The following BTBD9 variants were observed in gnomAD, a reference collection of about 807,000 sequenced individuals.
BTBD9 encodes BTB/POZ domain-containing protein 9.
Under a neutral mutation model 64.3 loss-of-function variants are expected in BTBD9, and 49 were observed. The ratio of observed to expected loss-of-function variants is 0.76; its 90% confidence interval spans 0.61 to 0.97. The LOEUF is 0.97. Ranked by LOEUF, BTBD9 falls within the 50% of genes least tolerant of loss-of-function variation. The pLI is 0.00. For missense variants in BTBD9, 598 were observed against 762.1 expected (o/e 0.78, Z 2.53); for synonymous variants, 260 against 274.7 (o/e 0.95, Z 0.53).
At position 38,484,262 on chromosome 6, in the gene BTBD9, T is replaced by C. The variant is rs147852963; in HGVS notation, c.1154+93338A>G. On this transcript the variant is annotated intron_variant, in intron 6 of 10. Coordinates refer to ENST00000481247, the MANE Select transcript of BTBD9 (RefSeq NM_001099272.2). ...TTACTAAGGAAGTGTTATATTTTTATTCTTCAGGGGTAATCATTAGTTGTT... is the reference window on the plus strand; with the variant it reads ...TTACTAAGGAAGTGTTATATTTTTACTCTTCAGGGGTAATCATTAGTTGTT... 7.4e-4 allele frequency among the ~76,000 whole-genome samples: 113 copies of C among 152,354 alleles called. No homozygotes were observed. The East Asian group carries it at 0.019, about 25-fold the overall frequency.
At chr6:38,414,200 T>C (rs1767563933) in intron 6 of BTBD9, among the ~76,000 whole-genome samples, 4 of 152,226 alleles carry the variant, frequency 2.6e-5, no homozygotes, top group African/African-American at 7.2e-5. Context: ...ATTCAGTACC[T>C]TGTGCTTGTG....
intron 6 of BTBD9, among the ~76,000 whole-genome samples, chr6:38,557,300 G>A (rs933961412): frequency 7.2e-5 from 11 of 152,078 alleles, no homozygotes; most frequent in South Asian, 2.1e-4. Context: ...AGCCAAGATC[G>A]TGCCATTGCA....
intron 6 of BTBD9, among the ~76,000 whole-genome samples, chr6:38,483,799 C>G (rs1771272948): frequency 6.6e-6 from 1 of 152,208 alleles, no homozygotes; most frequent in Admixed American, 6.5e-5. Flanking sequence ...AAGCCAACTT[C>G]TTGTAATTCA....
At chr6:38,253,746 G>A (rs942047720) in intron 9 of BTBD9, among the ~76,000 whole-genome samples, 1 of 152,058 alleles carries the variant, frequency 6.6e-6, no homozygotes, top group African/African-American at 2.4e-5. Flanking sequence ...GGAGGCCCTC[G>A]TATTGTATAA....
intron 7 of BTBD9, among the ~76,000 whole-genome samples, chr6:38,298,086 A>C (rs1762229117): frequency 6.6e-6 from 1 of 151,712 alleles, no homozygotes; most frequent in South Asian, 2.1e-4. Context: ...CGACCTCCTG[A>C]CATCGTGATC....
intron 9 of BTBD9, among the ~76,000 whole-genome samples, chr6:38,214,211 G>A (rs111695955): frequency 1.6e-4 from 25 of 152,162 alleles, no homozygotes; most frequent in African/African-American, 5.5e-4. Flanking sequence ...TCACTCTCTG[G>A]CCCCTCCCTC....
At chr6:38,340,804 A>G (rs996183323) in intron 7 of BTBD9, among the ~76,000 whole-genome samples, 1 of 152,208 alleles carries the variant, frequency 6.6e-6, no homozygotes, top group Non-Finnish European at 1.5e-5. Flanking sequence ...CCAGGAAATA[A>G]TCATCAATGG....
chr6:38,469,825 T>TCTCACA (rs933374814), intron 6 of BTBD9, among the ~76,000 whole-genome samples: 1 of 152,162 alleles, frequency 6.6e-6, no homozygotes. Context: ...TTCAATAAAC[T>TCTCACA]CTCACACTCA....
chr6:38,596,083 A>G lies in BTBD9; in HGVS notation c.186-1756T>C, dbSNP rs1777020256. On this transcript the variant is annotated intron_variant, in intron 2 of 10. Transcript: ENST00000481247. ...TTCCTTATCTGGGAATTGATAGGCTATTATGACAGCACTTAGGCCTCTTCT... is the reference window on the plus strand; with the variant it reads ...TTCCTTATCTGGGAATTGATAGGCTGTTATGACAGCACTTAGGCCTCTTCT... The G allele has an allele frequency of 1.9e-5, 19 of 984,224 alleles. 1 individual carries two copies. Among genetic ancestry groups the G allele is most frequent in the Non-Finnish European group, 2.3e-5 (19 of 828,784 alleles). The allele number at this position is 984,224 out of a possible 1,614,324, so 61.0% of individuals were successfully genotyped here.
At chr6:38,272,448 A>G (rs1342454648) in intron 8 of BTBD9, among the ~76,000 whole-genome samples, 2 of 152,314 alleles carry the variant, frequency 1.3e-5, no homozygotes, top group Non-Finnish European at 2.9e-5. Context: ...GTCTATGACC[A>G]CAGAACAATA....
rs1345565468 is a variant in BTBD9 at position 38,171,982 on chromosome 6, G to A, written c.*3003C>T. 6.6e-6 allele frequency: 1 copy of A among 151,520 alleles called. No homozygotes were observed. The highest frequency in any genetic ancestry group is 6.6e-5 in the Admixed American group (1 of 15,176). 9.4% of individuals were successfully genotyped at this position (151,520 alleles called of 1,614,324 possible). A position where few individuals can be genotyped will look rare whatever the true frequency, so the allele number is the denominator to read the frequency against. On this transcript the variant is annotated 3_prime_UTR_variant, in exon 11 of 11. Transcript: ENST00000481247. ...GGGTGGTGGTGACCATGGCGCCCTT[G>A]TGTCCTTTCCATTGGTTACTGAGGA...
chr6:38,521,516 A>T (rs934156722), intron 6 of BTBD9, among the ~76,000 whole-genome samples: 6 of 152,170 alleles, frequency 3.9e-5, no homozygotes, highest in African/African-American at 1.4e-4. Context: ...CCAAATTTAA[A>T]ATTCTGAAAT....
At chr6:38,411,553 A>G (rs1767425681) in intron 6 of BTBD9, among the ~76,000 whole-genome samples, 1 of 152,226 alleles carries the variant, frequency 6.6e-6, no homozygotes, top group South Asian at 2.1e-4. Context: ...AAGCAAACAA[A>G]CAAAAAATCA....
At chr6:38,284,583 T>C (rs960298992) in intron 8 of BTBD9, among the ~76,000 whole-genome samples, 6 of 152,202 alleles carry the variant, frequency 3.9e-5, no homozygotes, top group South Asian at 2.1e-4. Flanking sequence ...TCTTTTTTGA[T>C]AGACTACCTC....
At chr6:38,608,154 TC>T (rs2127509023) in intron 1 of BTBD9, among the ~76,000 whole-genome samples, 1 of 152,242 alleles carries the variant, frequency 6.6e-6, no homozygotes, top group South Asian at 2.1e-4. Context: ...TAAGGCAATC[TC>T]CCATAAAATA....
intron 6 of BTBD9, among the ~76,000 whole-genome samples, chr6:38,453,486 A>G (rs1352043027): frequency 1.3e-5 from 2 of 152,216 alleles, no homozygotes; most frequent in Non-Finnish European, 2.9e-5. Context: ...ACTCCTCTAC[A>G]GCATTCCATA....
intron 6 of BTBD9, among the ~76,000 whole-genome samples, chr6:38,568,545 T>C (rs1035807354): frequency 2.0e-5 from 3 of 152,318 alleles, no homozygotes; most frequent in Non-Finnish European, 4.4e-5. Flanking sequence ...AGGTCCTGGA[T>C]GGCATTGCAT....
intron 6 of BTBD9, among the ~76,000 whole-genome samples, chr6:38,424,817 T>C (rs2127283203): frequency 6.6e-6 from 1 of 151,620 alleles, no homozygotes; most frequent in Non-Finnish European, 1.5e-5. Context: ...ACACCCAGCC[T>C]ATTTATCTTA....
chr6:38,446,417 C>T (rs1387495223), intron 6 of BTBD9, among the ~76,000 whole-genome samples: 1 of 151,942 alleles, frequency 6.6e-6, no homozygotes, highest in Non-Finnish European at 1.5e-5. Flanking sequence ...CCCTAATCAA[C>T]TAGTTTTATA....
Sources: gnomAD v4.1 joint callset for allele counts (sites outside exome capture counted in the v4.1 genomes callset) on GRCh38, gnomAD v4.1.1 for gene constraint, MANE v1.5 for transcripts, NCBI Gene and HGNC (gene_info 2026-07-23, HGNC 2026-07-21) for gene names.